The following LRMDA variants were observed in gnomAD, a reference collection of about 807,000 sequenced individuals.
LRMDA encodes leucine rich melanocyte differentiation associated, also known as leucine-rich melanocyte differentiation-associated protein.
Under a neutral mutation model 29.8 loss-of-function variants are expected in LRMDA, and 18 were observed. The ratio of observed to expected loss-of-function variants is 0.60; its 90% CI spans 0.42 to 0.90. The LOEUF (loss-of-function observed/expected upper bound fraction) is 0.90, where lower values mean the gene tolerates loss of function less well. Ranked by LOEUF, LRMDA falls within the 40% of genes least tolerant of loss-of-function variation. The probability of loss-of-function intolerance (pLI) is 0.00; values close to 1 mark genes in which losing one functional copy is unlikely to be tolerated. For missense variants in LRMDA, 273 were observed against 273.9 expected, an observed-to-expected ratio of 1.00 and a Z score of 0.02; for synonymous variants, 125 against 109.4, an observed-to-expected ratio of 1.14 and a Z score of -0.89.
At chr10:75,901,041 A>G (rs560300290) in intron 2 of LRMDA, among the ~76,000 whole-genome samples, 46 of 152,330 alleles carry the variant, frequency 3.0e-4, no homozygotes, top group African/African-American at 1.1e-3. Flanking sequence ...CCATCCATCA[A>G]CAACAGACAA....
chr10:75,825,803 A>G (rs1461843940), intron 2 of LRMDA, among the ~76,000 whole-genome samples: 1 of 152,196 alleles, frequency 6.6e-6, no homozygotes, highest in Non-Finnish European at 1.5e-5. Context: ...AGCCAGATAC[A>G]TAGGCACTGT....
At chr10:76,029,730 C>G (rs1240246935) in intron 2 of LRMDA, among the ~76,000 whole-genome samples, 1 of 152,078 alleles carries the variant, frequency 6.6e-6, no homozygotes, top group African/African-American at 2.4e-5. Flanking sequence ...GGCTTCAGAC[C>G]TAGTTAACTA....
At chr10:75,684,660 T>C (rs904847050) in intron 2 of LRMDA, among the ~76,000 whole-genome samples, 1 of 152,196 alleles carries the variant, frequency 6.6e-6, no homozygotes, top group Non-Finnish European at 1.5e-5. Flanking sequence ...CTTTCAATAT[T>C]CTTGTGACAT....
chr10:76,308,767 T>A (rs1408743148), intron 5 of LRMDA, among the ~76,000 whole-genome samples: 1 of 152,174 alleles, frequency 6.6e-6, no homozygotes, highest in Non-Finnish European at 1.5e-5. Context: ...ACGGCTCCAA[T>A]TAAGACACAG....
intron 2 of LRMDA, among the ~76,000 whole-genome samples, chr10:76,032,340 G>C (rs970475059): frequency 7.2e-5 from 11 of 152,240 alleles, no homozygotes; most frequent in African/African-American, 2.4e-4. Flanking sequence ...CTGCACGCCT[G>C]TTCGGCGCTG....
At chr10:76,541,546 G>A (rs553303670) in intron 6 of LRMDA, among the ~76,000 whole-genome samples, 4 of 152,076 alleles carry the variant, frequency 2.6e-5, no homozygotes, top group African/African-American at 9.6e-5. Flanking sequence ...ATGATTTTTG[G>A]GTGAGTTCAT....
In LRMDA at chr10:76,035,975, G is replaced by A. The variant is rs571716962; in HGVS notation, c.132-33G>A. ...ATAATGGCCTCCCTGATTTAGTGCA[G>A]GATCATTTTTCCTGTTGCCTTTGTC... On this transcript the variant is annotated intron_variant, in intron 2 of 6. Transcript: ENST00000611255. The A allele has an allele frequency of 1.9e-6, 3 of 1,610,624 alleles. No individual in the cohort carries two copies. In the South Asian group the frequency reaches 3.3e-5, roughly 18 times the overall value.
chr10:76,292,581 A>G (rs1266073182), intron 5 of LRMDA, among the ~76,000 whole-genome samples: 6 of 152,204 alleles, frequency 3.9e-5, no homozygotes, highest in Non-Finnish European at 7.3e-5. Flanking sequence ...TTTGTTTCCA[A>G]TGAAGATTGA....
chr10:76,070,864 G>C (rs902357774), intron 5 of LRMDA, among the ~76,000 whole-genome samples: 2 of 152,138 alleles, frequency 1.3e-5, no homozygotes, highest in Non-Finnish European at 2.9e-5. Context: ...TTTTGTTCTT[G>C]TGGGAATGGT....
At chr10:75,530,730 C>A (rs1845467524) in intron 2 of LRMDA, among the ~76,000 whole-genome samples, 1 of 152,122 alleles carries the variant, frequency 6.6e-6, no homozygotes, top group Non-Finnish European at 1.5e-5. Context: ...AACATGGGGC[C>A]ACTTGAAACA....
intron 2 of LRMDA, among the ~76,000 whole-genome samples, chr10:75,715,339 A>G (rs1341135279): frequency 6.6e-6 from 1 of 152,190 alleles, no homozygotes. Flanking sequence ...TAAAGACAAT[A>G]TATATTCACT....
chr10:76,198,264 A>C (rs1465947806), intron 5 of LRMDA, among the ~76,000 whole-genome samples: 1 of 152,228 alleles, frequency 6.6e-6, no homozygotes, highest in Admixed American at 6.5e-5. Context: ...TTTTGTTAAA[A>C]TCACATTCTG....
At chr10:75,990,763 G>A (rs1847353330) in intron 2 of LRMDA, among the ~76,000 whole-genome samples, 1 of 152,196 alleles carries the variant, frequency 6.6e-6, no homozygotes, top group Non-Finnish European at 1.5e-5. Context: ...GTTTGGTTAA[G>A]TGTGTGTTTA....
At position 75,710,120 on chromosome 10, in the gene LRMDA, A is replaced by G. The variant is rs536952666; in HGVS notation, c.131+271626A>G. On this transcript the variant is annotated intron_variant, in intron 2 of 6. Coordinates refer to ENST00000611255, the MANE Select transcript of LRMDA (RefSeq NM_001305581.2). ...TAATCTGTGAATAACATTATAGCCC[A>G]GCCAGAAGAGAAACCGAGGGAGCAA... 5.9e-5 allele frequency among the ~76,000 whole-genome samples: 9 copies of G among 152,348 alleles called. 1 individual carries two copies. In the South Asian group the frequency reaches 1.9e-3, roughly 32 times the overall value.
chr10:76,530,714 C>T (rs1007451965), intron 6 of LRMDA, among the ~76,000 whole-genome samples: 3 of 152,080 alleles, frequency 2.0e-5, no homozygotes, highest in African/African-American at 7.2e-5. Context: ...GAAGCTTTGT[C>T]TTTATAACTA....
intron 3 of LRMDA, among the ~76,000 whole-genome samples, chr10:76,041,362 T>A (rs1273257834): frequency 6.6e-6 from 1 of 152,216 alleles, no homozygotes; most frequent in Non-Finnish European, 1.5e-5. Flanking sequence ...AGAAATGCAG[T>A]TTCTTTAAGA....
At position 75,648,764 on chromosome 10, in the gene LRMDA, A is replaced by G. The variant is rs540053676; in HGVS notation, c.131+210270A>G. ...TATTTGCTCTGGGGAAGGAGCAGGT[A>G]ACTAAGGTTTATTGAATGCCTAACA... On this transcript the variant is annotated intron_variant, in intron 2 of 6. Transcript: ENST00000611255. Among the ~76,000 whole-genome samples the G allele has an allele frequency of 9.2e-5, 14 of 152,274 alleles. 1 individual carries two copies. In the South Asian group the frequency reaches 2.9e-3, roughly 32 times the overall value.
At chr10:76,024,994 C>T (rs1443209660) in intron 2 of LRMDA, among the ~76,000 whole-genome samples, 2 of 152,198 alleles carry the variant, frequency 1.3e-5, no homozygotes, top group African/African-American at 4.8e-5. Context: ...ACCGTGTCCA[C>T]TCTCACATCT....
At chr10:76,410,298 C>CTTTTTT (rs1172213249) in intron 6 of LRMDA, among the ~76,000 whole-genome samples, 729 of 66,580 alleles carry the variant, frequency 0.011, 54 homozygotes, top group African/African-American at 0.015. Flanking sequence ...CACTTTCTTT[C>CTTTTTT]TTTTTTTTTT....
Sources: allele counts gnomAD v4.1 joint callset (sites outside exome capture counted in the v4.1 genomes callset), GRCh38; gene constraint gnomAD v4.1.1; transcripts MANE v1.5; gene names NCBI Gene and HGNC (gene_info 2026-07-23, HGNC 2026-07-21).